Variants in PTBP3 observed in about 807,000 individuals in gnomAD.
The protein encoded by PTBP3 is polypyrimidine tract-binding protein 3.
Under a neutral mutation model 58.7 loss-of-function variants are expected in PTBP3, and 20 were observed. The observed-to-expected ratio is 0.34, with a 90% CI of 0.24 to 0.50. The LOEUF is 0.50. Among genes scored for constraint, PTBP3 ranks in the 20% least tolerant of loss-of-function variants. The pLI, the probability that PTBP3 is intolerant of heterozygous loss-of-function variation, is 0.98. For synonymous variants in PTBP3, 185 were observed against 219.8 expected, an observed-to-expected ratio of 0.84 and a Z score of 1.40; for missense variants, 509 against 637.2, an observed-to-expected ratio of 0.80 and a Z score of 2.17.
At chr9:112,299,907 G>A (rs1331124544) in intron 1 of PTBP3, among the ~76,000 whole-genome samples, 1 of 152,170 alleles carries the variant, frequency 6.6e-6, no homozygotes, top group Non-Finnish European at 1.5e-5. Context: ...AATAACAAGT[G>A]TAGCTCCATA....
intron 5 of PTBP3, among the ~76,000 whole-genome samples, chr9:112,259,912 G>C (rs1421194643): frequency 6.6e-6 from 1 of 152,140 alleles, no homozygotes; most frequent in East Asian, 1.9e-4. Context: ...ACTAGCATTT[G>C]ATCATTAGAG....
chr9:112,361,862 C>T, the PTBP3 span, among the ~76,000 whole-genome samples: 3 of 152,250 alleles, frequency 2.0e-5, no homozygotes, highest in Non-Finnish European at 4.4e-5. Flanking sequence ...CCACCAGTAA[C>T]GTATGAGGGT....
chr9:112,293,800 T>C (rs1348983874), intron 2 of PTBP3, among the ~76,000 whole-genome samples: 2 of 152,166 alleles, frequency 1.3e-5, no homozygotes, highest in African/African-American at 2.4e-5. Context: ...GAGAGTACTA[T>C]TTTCTATCTT....
chr9:112,231,976 G>A (rs879219286), intron 9 of PTBP3, 123 bp downstream of exon 9: 180 of 353,804 alleles, frequency 5.1e-4, no homozygotes, highest in African/African-American at 3.0e-3. Context: ...AGAGAGAAGA[G>A]AAGAGAAGAG....
intron 2 of PTBP3, among the ~76,000 whole-genome samples, chr9:112,285,718 G>A (rs989031445): frequency 5.9e-5 from 9 of 152,180 alleles, no homozygotes; most frequent in South Asian, 2.1e-4. Context: ...TGAAAGTTTC[G>A]TGTGCCATTT....
At chr9:112,288,502 C>A (rs1828239277) in intron 2 of PTBP3, among the ~76,000 whole-genome samples, 1 of 152,182 alleles carries the variant, frequency 6.6e-6, no homozygotes, top group Non-Finnish European at 1.5e-5. Context: ...TGTGCCATGT[C>A]TGCTTGGTTC....
chr9:112,320,686 G>A (rs890090263), intron 1 of PTBP3, among the ~76,000 whole-genome samples: 8 of 152,048 alleles, frequency 5.3e-5, no homozygotes, highest in Non-Finnish European at 1.2e-4. Flanking sequence ...ATTAACATAA[G>A]AATGGAAAAC....
chr9:112,323,879 T>C (rs1847977223), intron 1 of PTBP3, among the ~76,000 whole-genome samples: 1 of 152,100 alleles, frequency 6.6e-6, no homozygotes, highest in African/African-American at 2.4e-5. Context: ...GCCAAGAATT[T>C]TCCATAATTA....
chr9:112,346,363 C>T, the PTBP3 span, among the ~76,000 whole-genome samples: 3 of 151,892 alleles, frequency 2.0e-5, no homozygotes, highest in African/African-American at 7.3e-5. Context: ...GGTGGCATTT[C>T]TCCATGTTGG....
At chr9:112,335,276 TTTTTTTG>T, upstream of PTBP3, among the ~76,000 whole-genome samples, 1 of 76,198 alleles carries the variant, frequency 1.3e-5, no homozygotes, top group Non-Finnish European at 3.7e-5. Context: ...TTGTTGTTTG[TTTTTTTG>T]TTTTTTTGTT....
At chr9:112,250,240 A>G (rs1836052866) in intron 7 of PTBP3, among the ~76,000 whole-genome samples, 1 of 152,158 alleles carries the variant, frequency 6.6e-6, no homozygotes, top group Admixed American at 6.5e-5. Flanking sequence ...AAAGGTAGTA[A>G]TACTTTAAGT....
chr9:112,359,674 G>C, the PTBP3 span, among the ~76,000 whole-genome samples: 2 of 151,990 alleles, frequency 1.3e-5, no homozygotes, highest in Non-Finnish European at 1.5e-5. Flanking sequence ...ATGGTGGCAG[G>C]TGCCTGTAAT....
At chr9:112,364,410 G>C in the PTBP3 span, among the ~76,000 whole-genome samples, 395 of 152,220 alleles carry the variant, frequency 2.6e-3, no homozygotes, top group Non-Finnish European at 4.2e-3. Context: ...TGTAATCCCA[G>C]CACTTTGGGA....
chr9:112,245,812 G>T (rs527579044), intron 7 of PTBP3, among the ~76,000 whole-genome samples: 1 of 151,960 alleles, frequency 6.6e-6, no homozygotes, highest in East Asian at 1.9e-4. Context: ...CAAATCAGGG[G>T]TAATTTGAAC....
chr9:112,225,875 G>A (rs960798070), intron 12 of PTBP3, among the ~76,000 whole-genome samples: 10 of 151,910 alleles, frequency 6.6e-5, no homozygotes, highest in African/African-American at 2.4e-4. Context: ...GTAAAACCCT[G>A]TCTCTACAAA....
At chr9:112,288,530 T>C (rs1564436298) in intron 2 of PTBP3, among the ~76,000 whole-genome samples, 1 of 152,066 alleles carries the variant, frequency 6.6e-6, no homozygotes, top group Non-Finnish European at 1.5e-5. Flanking sequence ...CCCCACAGTC[T>C]AGAAAGAAAA....
intron 12 of PTBP3, among the ~76,000 whole-genome samples, chr9:112,225,468 G>A (rs1334942800): frequency 2.0e-5 from 3 of 152,298 alleles, no homozygotes; most frequent in South Asian, 2.1e-4. Context: ...TGATGAAAAC[G>A]TTCTACAGAT....
At chr9:112,329,747 G>A (rs1830292382) in intron 1 of PTBP3, among the ~76,000 whole-genome samples, 1 of 151,762 alleles carries the variant, frequency 6.6e-6, no homozygotes, top group African/African-American at 2.4e-5. Flanking sequence ...AGTAGGCACT[G>A]AAGAAAGAAG....
intron 7 of PTBP3, among the ~76,000 whole-genome samples, chr9:112,249,124 A>G (rs1186317419): frequency 1.3e-5 from 2 of 152,180 alleles, no homozygotes; most frequent in South Asian, 2.1e-4. Context: ...GGGATATATA[A>G]TGAGTGGTAA....
Sources: gnomAD v4.1 joint callset for allele counts (sites outside exome capture counted in the v4.1 genomes callset) on GRCh38, gnomAD v4.1.1 for gene constraint, MANE v1.5 for transcripts, NCBI Gene and HGNC (gene_info 2026-07-23, HGNC 2026-07-21) for gene names.